LDHC: variants seen among roughly 807,000 people sequenced by gnomAD.
The protein encoded by LDHC is L-lactate dehydrogenase C chain.
LDHC carries 20 observed loss-of-function variants against 30.2 expected under a neutral mutation model. The ratio of observed to expected loss-of-function variants is 0.66; its 90% confidence interval spans 0.47 to 0.96. The LOEUF is 0.96. Among genes scored for constraint, LDHC ranks in the 40% least tolerant of loss-of-function variants. LDHC has a pLI of 0.00. For synonymous variants in LDHC, 139 were observed against 132.7 expected, an observed-to-expected ratio of 1.05 and a Z score of -0.32; for missense variants, 362 against 394.9, an observed-to-expected ratio of 0.92 and a Z score of 0.71.
intron 1 of LDHC, 67 bp downstream of exon 1, chr11:18,412,475 T>A: frequency 6.7e-6 from 3 of 444,884 alleles, no homozygotes; most frequent in Middle Eastern, 6.7e-4. Context: ...GAGCGTGTGG[T>A]GCTGGGGTGA....
chr11:18,417,896 C>T (rs1368757048), intron 3 of LDHC, among the ~76,000 whole-genome samples: 1 of 152,044 alleles, frequency 6.6e-6, no homozygotes, highest in African/African-American at 2.4e-5. Context: ...TAGTGAGACC[C>T]TGTCTCCATT....
intron 6 of LDHC, 58 bp downstream of exon 6, chr11:18,438,703 C>T (rs1848403071): frequency 4.5e-6 from 4 of 895,062 alleles, no homozygotes; most frequent in Non-Finnish European, 7.2e-6. Context: ...GAATAAATAT[C>T]ACGGACAAAA....
At chr11:18,428,199 T>G (rs1450177210) in intron 3 of LDHC, among the ~76,000 whole-genome samples, 2 of 124,122 alleles carry the variant, frequency 1.6e-5, no homozygotes, top group Non-Finnish European at 3.3e-5. Flanking sequence ...TGAGACAGAG[T>G]CTCACTCTGT....
At chr11:18,426,409 C>G (rs768524912) in intron 3 of LDHC, among the ~76,000 whole-genome samples, 1 of 151,788 alleles carries the variant, frequency 6.6e-6, no homozygotes, top group Non-Finnish European at 1.5e-5. Flanking sequence ...TCCCTGTAAT[C>G]CCAGATACTT....
At chr11:18,427,598 G>A (rs1253860062) in intron 3 of LDHC, among the ~76,000 whole-genome samples, 1 of 151,570 alleles carries the variant, frequency 6.6e-6, no homozygotes, top group African/African-American at 2.4e-5. Context: ...AGGAAATGAT[G>A]GCATTAACAG....
Position 18,431,688 on chromosome 11 carries a change from G to A in LDHC, c.418+1778G>A, listed in dbSNP as rs188954723. 3.3e-5 allele frequency among the ~76,000 whole-genome samples: 5 copies of A among 152,082 alleles called. No homozygotes were observed. In the East Asian group the frequency reaches 9.7e-4, roughly 29 times the overall value. On this transcript the variant is annotated intron_variant, in intron 4 of 7. Coordinates refer to ENST00000541669, the MANE Select transcript of LDHC (RefSeq NM_017448.5). ...GCCTCCCATGTTGCTGGGACTGCAGGTGCACACCACCACGCCTGGCTAATT... is the reference window on the plus strand; with the variant it reads ...GCCTCCCATGTTGCTGGGACTGCAGATGCACACCACCACGCCTGGCTAATT...
chr11:18,439,281 G>T (rs1217200147), intron 6 of LDHC, among the ~76,000 whole-genome samples: 1 of 152,186 alleles, frequency 6.6e-6, no homozygotes, highest in African/African-American at 2.4e-5. Flanking sequence ...CTTAAAAATT[G>T]GCTGGGCGGG....
At chr11:18,440,726 T>A (rs1284408673) in intron 6 of LDHC, among the ~76,000 whole-genome samples, 3 of 152,046 alleles carry the variant, frequency 2.0e-5, no homozygotes, top group Non-Finnish European at 4.4e-5. Context: ...GCCAGGAGTT[T>A]CAGATCAGCT....
chr11:18,447,311 A>G (rs1848571489), intron 7 of LDHC, among the ~76,000 whole-genome samples: 1 of 151,452 alleles, frequency 6.6e-6, no homozygotes, highest in Non-Finnish European at 1.5e-5. Flanking sequence ...TTTTTTTTGT[A>G]TTTTTAGTAG....
At chr11:18,425,491 G>A (rs966123800) in intron 3 of LDHC, among the ~76,000 whole-genome samples, 4 of 152,058 alleles carry the variant, frequency 2.6e-5, no homozygotes, top group South Asian at 2.1e-4. Flanking sequence ...AGTGATTGTC[G>A]TGCCTCAGCC....
At chr11:18,415,549 G>A (rs552834568) in intron 3 of LDHC, among the ~76,000 whole-genome samples, 7 of 151,834 alleles carry the variant, frequency 4.6e-5, no homozygotes, top group South Asian at 2.1e-4. Context: ...CTCCTGCCTC[G>A]GTCTCCTGTG....
intron 3 of LDHC, among the ~76,000 whole-genome samples, chr11:18,427,347 T>A (rs1848178297): frequency 6.6e-6 from 1 of 152,106 alleles, no homozygotes; most frequent in African/African-American, 2.4e-5. Context: ...AGAGCAAGAT[T>A]GTGCCTCAAA....
intron 6 of LDHC, among the ~76,000 whole-genome samples, chr11:18,442,662 T>TA (rs1848488057): frequency 7.2e-6 from 1 of 138,988 alleles, no homozygotes; most frequent in South Asian, 2.3e-4. Flanking sequence ...CTCTCTCTCT[T>TA]TTTTTTTTTT....
intron 5 of LDHC, among the ~76,000 whole-genome samples, chr11:18,437,798 C>T (rs1410519978): frequency 6.6e-6 from 1 of 150,870 alleles, no homozygotes; most frequent in African/African-American, 2.4e-5. Flanking sequence ...GGAGTAGTGG[C>T]TCATGCCTGT....
intron 4 of LDHC, 125 bp downstream of exon 4, chr11:18,430,035 G>C (rs77297254): frequency 1.4e-5 from 8 of 551,778 alleles, no homozygotes; most frequent in African/African-American, 3.8e-5. Flanking sequence ...AGTATATAAC[G>C]CGATGAGTTT....
intron 4 of LDHC, among the ~76,000 whole-genome samples, chr11:18,430,345 G>T (rs969222453): frequency 6.6e-6 from 1 of 152,044 alleles, no homozygotes; most frequent in African/African-American, 2.4e-5. Flanking sequence ...TTGATATGGG[G>T]TCTCACTCTG....
chr11:18,434,070 C>A (rs1310502166), intron 4 of LDHC, among the ~76,000 whole-genome samples: 1 of 152,056 alleles, frequency 6.6e-6, no homozygotes, highest in Admixed American at 6.6e-5. Flanking sequence ...CTCTGAATTT[C>A]TTTCTTCTAC....
In LDHC at chr11:18,438,652, G is replaced by C; in HGVS notation, c.710+7G>C. 7.0e-7 allele frequency: 1 copy of C among 1,433,216 alleles called. No individual in the cohort carries two copies. Among genetic ancestry groups the C allele is most frequent in the Non-Finnish European group, 9.8e-7 (1 of 1,015,974 alleles). 88.8% of individuals were successfully genotyped at this position (1,433,216 alleles called of 1,614,324 possible). On this transcript the variant is annotated splice_region_variant and intron_variant, in intron 6 of 7. Coordinates refer to ENST00000541669, the MANE Select transcript of LDHC (RefSeq NM_017448.5). ...ATAAACAAGTTATTCAAAGGTAATAGTACCTATTCAGTTTCTTAATGCCTT... is the reference window on the plus strand; with the variant it reads ...ATAAACAAGTTATTCAAAGGTAATACTACCTATTCAGTTTCTTAATGCCTT...
At chr11:18,431,532 TTTTTG>T (rs779149240) in intron 4 of LDHC, among the ~76,000 whole-genome samples, 4 of 151,930 alleles carry the variant, frequency 2.6e-5, no homozygotes, top group Admixed American at 1.3e-4. Context: ...ATTGTGTGTG[TTTTTG>T]TTTTGTTTTG....
Sources: allele counts gnomAD v4.1 joint callset (sites outside exome capture counted in the v4.1 genomes callset), GRCh38; gene constraint gnomAD v4.1.1; transcripts MANE v1.5; gene names NCBI Gene and HGNC (gene_info 2026-07-23, HGNC 2026-07-21).